FKBP15: variants seen among roughly 807,000 people sequenced by gnomAD.
The protein encoded by FKBP15 is FK506-binding protein 15.
A neutral mutation model predicts 158.1 loss-of-function variants in FKBP15; 106 were observed. That is an observed-to-expected ratio of 0.67 (90% confidence interval 0.57 to 0.79). FKBP15 has a LOEUF of 0.79. Ranked by LOEUF, FKBP15 falls within the 30% of genes least tolerant of loss-of-function variation. The probability of loss-of-function intolerance (pLI) is 0.00; values close to 1 mark genes in which losing one functional copy is unlikely to be tolerated. For synonymous variants in FKBP15, 547 were observed against 548.6 expected (o/e 1.00, Z 0.04); for missense variants, 1,287 against 1,479.1 (o/e 0.87, Z 2.13).
intron 2 of FKBP15, among the ~76,000 whole-genome samples, chr9:113,207,548 C>T (rs935623981): frequency 1.3e-5 from 2 of 151,930 alleles, no homozygotes; most frequent in African/African-American, 4.8e-5. Context: ...CCATGTTGGA[C>T]AGGCTGGTCT....
At position 113,218,380 on chromosome 9, in the gene FKBP15, TATA is replaced by T. The variant is rs1564195433; in HGVS notation, c.53+2808_53+2810del. On this transcript the variant is annotated intron_variant, in intron 1 of 27. Coordinates refer to ENST00000238256, the MANE Select transcript of FKBP15 (RefSeq NM_015258.2). ...TCATAGAGAGGAGTAAATACAATTATATATATATATATATATATATATATATAT... is the reference window on the plus strand; with the variant it reads ...TCATAGAGAGGAGTAAATACAATTATTATATATATATATATATATATATAT... 5.0e-3 allele frequency among the ~76,000 whole-genome samples: 461 copies of T among 93,044 alleles called. 6 individuals are homozygous for T. The highest frequency in any genetic ancestry group is 8.6e-3 in the Non-Finnish European group (353 of 41,090). 61.0% of individuals were successfully genotyped at this position (93,044 alleles called of 152,430 possible). A position where few individuals can be genotyped will look rare whatever the true frequency, so the allele number is the denominator to read the frequency against.
rs779793605 is a variant in FKBP15, at chr9:113,176,578, C to A, written c.2182G>T (p.Glu728Ter). Residue 728 changes from glutamate to a stop codon, truncating the protein, a stop_gained, in exon 21 of 28, where the codon GAA becomes TAA. Transcript: ENST00000238256. LOFTEE classifies it high-confidence loss of function. ...LELKVTSLEE[E>*]LTDLRVEKES... ...TTCTCAACTCGAAGGTCAGTCAGTT[C>A]CTCCTCCAGGGATGTCACCTTGAGT... The A allele has an allele frequency of 1.3e-6, 2 of 1,569,466 alleles. No individual in the cohort carries two copies. Among genetic ancestry groups the A allele is most frequent in the Non-Finnish European group, 1.7e-6 (2 of 1,154,764 alleles).
At chr9:113,210,178 A>C (rs972154475) in intron 2 of FKBP15, among the ~76,000 whole-genome samples, 1 of 152,116 alleles carries the variant, frequency 6.6e-6, no homozygotes, top group Non-Finnish European at 1.5e-5. Context: ...TAGCTGCTAG[A>C]AATCAGGATC....
At chr9:113,178,874 T>C (rs1830344089) in intron 19 of FKBP15, 73 bp from the exon 20 acceptor site, 1 of 1,407,448 alleles carries the variant, frequency 7.1e-7, no homozygotes, top group African/African-American at 1.4e-5. Flanking sequence ...CAACCTCACA[T>C]AACTCTATGT....
chr9:113,183,777 A>G lies in FKBP15; in HGVS notation c.1785T>C (p.Ile595=). ...TCTGATTTCGTTCAATTAGTTCACT[A>G]ATCTTGTCATTCTGTTCTTCTATCC... ...SNRIEEQNDK[I]SELIERNQRY... Residue 595 remains isoleucine, a synonymous_variant, in exon 18 of 28, where the codon ATT becomes ATC. Transcript: ENST00000238256. 6.2e-7 allele frequency: 1 copy of G among 1,613,438 alleles called. No individual in the cohort carries two copies. Among genetic ancestry groups the G allele is most frequent in the Non-Finnish European group, 8.5e-7 (1 of 1,179,494 alleles).
At position 113,198,503 on chromosome 9, in the gene FKBP15, G is replaced by A. The variant is rs918849871; in HGVS notation, c.717+352C>T. Among the ~76,000 whole-genome samples the A allele has an allele frequency of 2.0e-5, 3 of 152,116 alleles. No individual in the cohort carries two copies. Among genetic ancestry groups the A allele is most frequent in the African/African-American group, 4.8e-5 (2 of 41,408 alleles). On this transcript the variant is annotated intron_variant, in intron 8 of 27. Coordinates refer to ENST00000238256, the MANE Select transcript of FKBP15 (RefSeq NM_015258.2). The surrounding 1 kb of genome is among the most constrained non-coding windows in gnomAD (Gnocchi z 5.2). ...CATGGTGGTTCATGCCTGTAATCCC[G>A]GCACTTTGGGAGGCTGAGGCGGGTG... is the stretch of plus-strand genomic sequence containing the variant.
In FKBP15 at chr9:113,186,311, G is replaced by C. The variant is rs1830484913; in HGVS notation, c.1436C>G (p.Ser479Cys). ...CAAAGGCCGAACGGGCTGCAGCTGG[G>C]AGGTGACGGCAGATGCCTGGGGATA... ...YAYPQASAVT[S>C]QLQPVRPLYP... The change falls in exon 15 of 28, where the codon TCC becomes TGC. Residue 479 changes from serine (S) to cysteine (C), a missense_variant. By Grantham distance (112) the Ser-to-Cys change is moderately radical. Transcript: ENST00000238256. 1 of 1,571,382 alleles carries C rather than the reference G, an allele frequency of 6.4e-7. No homozygotes were observed. The highest frequency in any genetic ancestry group is 1.4e-5 in the African/African-American group (1 of 74,024).
intron 9 of FKBP15, among the ~76,000 whole-genome samples, chr9:113,195,334 T>G (rs1375664477): frequency 2.0e-5 from 3 of 152,258 alleles, no homozygotes; most frequent in African/African-American, 4.8e-5. Flanking sequence ...GAATTTAATA[T>G]GCATATCGAT....
intron 27 of FKBP15, among the ~76,000 whole-genome samples, chr9:113,167,499 A>G (rs1425770784): frequency 6.6e-6 from 1 of 152,076 alleles, no homozygotes; most frequent in African/African-American, 2.4e-5. Flanking sequence ...GAGAAGAAAG[A>G]CTCATGGAAG....
intron 19 of FKBP15, among the ~76,000 whole-genome samples, chr9:113,179,489 C>T (rs981029630): frequency 3.9e-5 from 6 of 152,000 alleles, no homozygotes; most frequent in Admixed American, 2.0e-4. Context: ...TGGTGAAACT[C>T]GGTCTCTACT....
At position 113,176,248 on chromosome 9, in the gene FKBP15, A is replaced by G. The variant is rs575352016; in HGVS notation, c.2223+289T>C. Among the ~76,000 whole-genome samples, 674 of 152,320 alleles carry G rather than the reference A, an allele frequency of 4.4e-3. 2 individuals carry two copies. Among genetic ancestry groups the G allele is most frequent in the Non-Finnish European group, 7.9e-3 (536 of 68,026 alleles). ...CCATGACATTTTCCTAAAAAACATT[A>G]AACGTGATACCACTACTGTAAAAAA... On this transcript the variant is annotated intron_variant, in intron 21 of 27. Transcript: ENST00000238256.
At chr9:113,185,104 C>T (rs1830464046) in intron 15 of FKBP15, among the ~76,000 whole-genome samples, 1 of 152,244 alleles carries the variant, frequency 6.6e-6, no homozygotes, top group Admixed American at 6.5e-5. Flanking sequence ...GATTACTTTC[C>T]CGTTCATCCA....
chr9:113,198,738 G>T lies in FKBP15; in HGVS notation c.717+117C>A. 1 of 763,626 alleles carries T rather than the reference G, an allele frequency of 1.3e-6. No individual in the cohort carries two copies. Among genetic ancestry groups the T allele is most frequent in the Non-Finnish European group, 2.0e-6 (1 of 490,126 alleles). The allele number at this position is 763,626 out of a possible 1,614,324, so 47.3% of individuals were successfully genotyped here. A position where few individuals can be genotyped will look rare whatever the true frequency, so the allele number is the denominator to read the frequency against. The stretch of plus-strand genomic sequence containing the variant: ...TTGCACTCCAGCTTGAACAACAAGA[G>T]CGAAACTCCGTCTCAAAAAATAAAA... On this transcript the variant is annotated intron_variant, in intron 8 of 27. Coordinates refer to ENST00000238256, the MANE Select transcript of FKBP15 (RefSeq NM_015258.2). The surrounding 1 kb of genome is among the most constrained non-coding windows in gnomAD (Gnocchi z 5.2).
intron 2 of FKBP15, among the ~76,000 whole-genome samples, chr9:113,207,811 C>T (rs1830921840): frequency 6.6e-6 from 1 of 152,114 alleles, no homozygotes; most frequent in African/African-American, 2.4e-5. Flanking sequence ...ACAATTATAC[C>T]ATGATAGTGC....
At chr9:113,185,105 C>A (rs1830464098) in intron 15 of FKBP15, among the ~76,000 whole-genome samples, 1 of 152,206 alleles carries the variant, frequency 6.6e-6, no homozygotes, top group African/African-American at 2.4e-5. Context: ...ATTACTTTCC[C>A]GTTCATCCAA....
chr9:113,180,985 T>C (rs990556028), intron 19 of FKBP15, among the ~76,000 whole-genome samples: 1 of 152,132 alleles, frequency 6.6e-6, no homozygotes, highest in African/African-American at 2.4e-5. Flanking sequence ...AGGAAAACTG[T>C]TAAGTGAGAA....
chr9:113,206,668 C>A, intron 3 of FKBP15, 90 bp from the exon 4 acceptor site: 1 of 665,062 alleles, frequency 1.5e-6, no homozygotes, highest in East Asian at 2.5e-5. Flanking sequence ...GTGGGAACAA[C>A]AGTCATTCAG....
At chr9:113,195,755 C>G (rs1418588146) in intron 9 of FKBP15, among the ~76,000 whole-genome samples, 1 of 152,082 alleles carries the variant, frequency 6.6e-6, no homozygotes, top group Non-Finnish European at 1.5e-5. Context: ...GGGCAGGGAA[C>G]AGGTAGTATT....
At chr9:113,215,700 A>G (rs1831115302) in intron 1 of FKBP15, among the ~76,000 whole-genome samples, 1 of 128,390 alleles carries the variant, frequency 7.8e-6, no homozygotes, top group African/African-American at 3.0e-5. Context: ...CCCAGGCAGG[A>G]GTGCAGTGGC....
Sources: gnomAD v4.1 joint callset for allele counts (sites outside exome capture counted in the v4.1 genomes callset) on GRCh38, gnomAD v4.1.1 for gene constraint, Gnocchi (gnomAD v3.1) non-coding constraint, MANE v1.5 for transcripts, NCBI Gene and HGNC (gene_info 2026-07-23, HGNC 2026-07-21) for gene names.